Variants in PLA2R1 observed in about 807,000 individuals in gnomAD.
PLA2R1 encodes the protein phospholipase A2 receptor 1, also known as secretory phospholipase A2 receptor.
PLA2R1 carries 158 observed loss-of-function variants against 195.9 expected under a neutral mutation model. The ratio of observed to expected loss-of-function variants is 0.81; its 90% CI spans 0.71 to 0.92. The LOEUF (loss-of-function observed/expected upper bound fraction) is 0.92, where lower values mean the gene tolerates loss of function less well. PLA2R1 is among the 40% of genes least tolerant of loss of function. The pLI is 0.00. For synonymous variants in PLA2R1, 586 were observed against 598.2 expected, an observed-to-expected ratio of 0.98 and a Z score of 0.30; for missense variants, 1,626 against 1,764.6, an observed-to-expected ratio of 0.92 and a Z score of 1.41.
chr2:160,008,638 G>A lies in PLA2R1; in HGVS notation c.1665-2817C>T, dbSNP rs146633950. Among the ~76,000 whole-genome samples the A allele has an allele frequency of 5.3e-5, 8 of 152,208 alleles. No individual in the cohort carries two copies. In the East Asian group the frequency reaches 1.3e-3, roughly 26 times the overall value. On this transcript the variant is annotated intron_variant, in intron 10 of 29. Transcript: ENST00000283243. The stretch of plus-strand genomic sequence containing the variant: ...AAAAGACTTCATAACATTGTATTTG[G>A]CAATGATTTCTTGTATATGATACCA...
intron 20 of PLA2R1, among the ~76,000 whole-genome samples, chr2:159,959,707 T>C (rs1295097188): frequency 6.6e-6 from 1 of 152,150 alleles, no homozygotes; most frequent in Non-Finnish European, 1.5e-5. Flanking sequence ...TCACAATGAA[T>C]GGCACGGTCT....
chr2:159,952,228 G>A (rs1028328733), intron 23 of PLA2R1, among the ~76,000 whole-genome samples: 2 of 152,116 alleles, frequency 1.3e-5, no homozygotes, highest in South Asian at 2.1e-4. Context: ...TTTCCCACAC[G>A]TTGTCAAGCA....
At chr2:160,013,675 T>TTCTCTC (rs1194944207) in intron 9 of PLA2R1, among the ~76,000 whole-genome samples, 1 of 65,662 alleles carries the variant, frequency 1.5e-5, no homozygotes, top group Non-Finnish European at 4.0e-5. Flanking sequence ...ACCTCTCTCT[T>TTCTCTC]TCTCTCTCTC....
intron 1 of PLA2R1, among the ~76,000 whole-genome samples, chr2:160,061,405 TGA>T (rs1157957080): frequency 6.6e-6 from 1 of 152,196 alleles, no homozygotes; most frequent in African/African-American, 2.4e-5. Flanking sequence ...GTTTTTCCAC[TGA>T]GAGAGACTAA....
Position 159,934,753 on chromosome 2 carries a change from G to A in PLA2R1, c.*7025C>T, listed in dbSNP as rs1400341712. On this transcript the variant is annotated 3_prime_UTR_variant, in exon 30 of 30. Transcript: ENST00000283243. ...ACTTAGTCCAGAGAGTTCCTGTACA[G>A]CCTCCTTCAGCTTCTTCTAATGGTA... The A allele has an allele frequency of 6.6e-6, 1 of 152,136 alleles. No homozygotes were observed. The highest frequency in any genetic ancestry group is 2.4e-5 in the African/African-American group (1 of 41,424). 9.4% of individuals were successfully genotyped at this position (152,136 alleles called of 1,614,324 possible).
chr2:160,035,348 A>T (rs575443180), intron 3 of PLA2R1, among the ~76,000 whole-genome samples: 1 of 152,188 alleles, frequency 6.6e-6, no homozygotes, highest in Non-Finnish European at 1.5e-5. Flanking sequence ...TTGGCAGAAG[A>T]GTCTCTTTGC....
chr2:160,062,581 C>A lies in PLA2R1; in HGVS notation c.-178G>T. On this transcript the variant is annotated 5_prime_UTR_variant, in exon 1 of 30. Transcript: ENST00000283243. ...GAGCCCTGGAGACCCACTCCGCCAC[C>A]GCTGTCTCCACAGTGAACCGACACT... is the stretch of plus-strand genomic sequence containing the variant. 1.8e-6 allele frequency: 2 copies of A among 1,141,758 alleles called. No individual in the cohort carries two copies. Among genetic ancestry groups the A allele is most frequent in the Non-Finnish European group, 1.2e-6 (1 of 864,622 alleles). The allele number at this position is 1,141,758 out of a possible 1,614,324, so 70.7% of individuals were successfully genotyped here. A position where few individuals can be genotyped will look rare whatever the true frequency, so the allele number is the denominator to read the frequency against.
chr2:160,048,686 T>C (rs1012653280), intron 1 of PLA2R1, among the ~76,000 whole-genome samples: 3 of 152,194 alleles, frequency 2.0e-5, no homozygotes, highest in Non-Finnish European at 4.4e-5. Flanking sequence ...TGATTATACA[T>C]GTCAAGGACA....
intron 20 of PLA2R1, among the ~76,000 whole-genome samples, chr2:159,965,991 C>G (rs538774344): frequency 1.3e-5 from 2 of 152,198 alleles, no homozygotes; most frequent in African/African-American, 4.8e-5. Flanking sequence ...TGGCCTGATG[C>G]GTATTCACTG....
intron 9 of PLA2R1, among the ~76,000 whole-genome samples, chr2:160,013,932 T>C (rs1692563514): frequency 6.6e-6 from 1 of 152,126 alleles, no homozygotes; most frequent in Non-Finnish European, 1.5e-5. Flanking sequence ...ATTTATGGGG[T>C]TGTTCTGAGA....
At position 159,993,951 on chromosome 2, in the gene PLA2R1, C is replaced by T. The variant is rs74968998; in HGVS notation, c.1835-6593G>A. ...TGTGTTTCCTATAAAAATTGTACCA[C>T]GGGGTAACAAAAATTGATTAAAAGG... On this transcript the variant is annotated intron_variant, in intron 11 of 29. Coordinates refer to ENST00000283243, the MANE Select transcript of PLA2R1 (RefSeq NM_007366.5). Among the ~76,000 whole-genome samples, 579 of 151,964 alleles carry T rather than the reference C, an allele frequency of 3.8e-3. 1 individual carries two copies. Among genetic ancestry groups the T allele is most frequent in the African/African-American group, 0.013 (539 of 41,464 alleles).
chr2:160,048,441 T>C (rs1695019183), intron 1 of PLA2R1, among the ~76,000 whole-genome samples: 1 of 152,234 alleles, frequency 6.6e-6, no homozygotes, highest in Admixed American at 6.5e-5. Flanking sequence ...CATTTTTCCA[T>C]TAAGTTATAA....
intron 11 of PLA2R1, among the ~76,000 whole-genome samples, chr2:160,002,232 T>C (rs1573867242): frequency 6.6e-6 from 1 of 151,866 alleles, no homozygotes; most frequent in Non-Finnish European, 1.5e-5. Flanking sequence ...ATATTGGAAA[T>C]TGGAATGTAT....
rs569722129 is a variant in PLA2R1 at position 159,934,542 on chromosome 2, C to T, written c.*7236G>A. On this transcript the variant is annotated 3_prime_UTR_variant, in exon 30 of 30. Transcript: ENST00000283243. ...TCATGAAAGAAGGCATATTGCTTCA[C>T]GAATTTCTAAGTTGACAGCCAAAAT... 5.3e-5 allele frequency: 8 copies of T among 152,106 alleles called. No individual in the cohort carries two copies. The highest frequency in any genetic ancestry group is 7.4e-5 in the Non-Finnish European group (5 of 68,024). 9.4% of individuals were successfully genotyped at this position (152,106 alleles called of 1,614,324 possible). A position where few individuals can be genotyped will look rare whatever the true frequency, so the allele number is the denominator to read the frequency against.
intron 1 of PLA2R1, among the ~76,000 whole-genome samples, chr2:160,061,076 C>T (rs1559039479): frequency 6.6e-6 from 1 of 152,220 alleles, no homozygotes; most frequent in Non-Finnish European, 1.5e-5. Context: ...AAAATGTAGA[C>T]ATATTCTACT....
chr2:160,014,234 C>CTT (rs5835787), intron 9 of PLA2R1, among the ~76,000 whole-genome samples: 5 of 129,426 alleles, frequency 3.9e-5, no homozygotes, highest in African/African-American at 8.1e-5. Context: ...CTTTTTCTTT[C>CTT]TTTTTTTTTT....
chr2:159,965,119 C>T (rs1688700533), intron 20 of PLA2R1, among the ~76,000 whole-genome samples: 1 of 152,190 alleles, frequency 6.6e-6, no homozygotes, highest in African/African-American at 2.4e-5. Flanking sequence ...CAGAATGGTA[C>T]ATCTGTTACA....
chr2:160,040,977 T>C (rs562032828), intron 3 of PLA2R1, among the ~76,000 whole-genome samples: 4 of 152,198 alleles, frequency 2.6e-5, no homozygotes, highest in Non-Finnish European at 5.9e-5. Flanking sequence ...ACCTACATTT[T>C]ATGTCTGAGG....
At chr2:159,990,128 T>C (rs1233456153) in intron 11 of PLA2R1, among the ~76,000 whole-genome samples, 2 of 152,180 alleles carry the variant, frequency 1.3e-5, no homozygotes, top group Non-Finnish European at 2.9e-5. Context: ...ACTAAATTTA[T>C]AAGCCTATAT....
Sources: allele counts gnomAD v4.1 joint callset (sites outside exome capture counted in the v4.1 genomes callset), GRCh38; gene constraint gnomAD v4.1.1; transcripts MANE v1.5; gene names NCBI Gene and HGNC (gene_info 2026-07-23, HGNC 2026-07-21).